Variants in ACBD6 observed in about 807,000 individuals in gnomAD.
ACBD6 encodes the protein acyl-CoA-binding domain-containing protein 6.
Under a neutral mutation model 37.2 loss-of-function variants are expected in ACBD6, and 28 were observed. The ratio of observed to expected loss-of-function variants is 0.75; its 90% CI spans 0.56 to 1.03. The LOEUF (loss-of-function observed/expected upper bound fraction) is 1.03. Among genes scored for constraint, ACBD6 ranks in the 50% least tolerant of loss-of-function variants. ACBD6 has a pLI of 0.00. For missense variants in ACBD6, 340 were observed against 337.4 expected, an observed-to-expected ratio of 1.01 and a Z score of -0.06; for synonymous variants, 113 against 126.8, an observed-to-expected ratio of 0.89 and a Z score of 0.73.
At chr1:180,454,049 A>G (rs1649816779) in intron 3 of ACBD6, among the ~76,000 whole-genome samples, 1 of 152,196 alleles carries the variant, frequency 6.6e-6, no homozygotes, top group Admixed American at 6.5e-5. Flanking sequence ...GGAACCAAAA[A>G]AGAGCCCATA....
chr1:180,435,418 T>G, intron 3 of ACBD6: 1 of 245,466 alleles, frequency 4.1e-6, no homozygotes, highest in Non-Finnish European at 7.9e-6. Flanking sequence ...CTGGCTAATT[T>G]TTTTTTTTTT....
At chr1:180,336,809 A>T (rs1398757349) in intron 6 of ACBD6, among the ~76,000 whole-genome samples, 4 of 152,356 alleles carry the variant, frequency 2.6e-5, no homozygotes, top group Non-Finnish European at 4.4e-5. Context: ...TGCAATAAAA[A>T]ATGATAAAGG....
intron 6 of ACBD6, among the ~76,000 whole-genome samples, chr1:180,378,793 C>T (rs1653535649): frequency 6.6e-6 from 1 of 152,102 alleles, no homozygotes; most frequent in Non-Finnish European, 1.5e-5. Flanking sequence ...CCAGCATGTG[C>T]TACCTGCAGA....
chr1:180,282,859 C>T (rs891456618), intron 8 of ACBD6, among the ~76,000 whole-genome samples: 3 of 152,032 alleles, frequency 2.0e-5, no homozygotes, highest in African/African-American at 7.3e-5. Flanking sequence ...GCATTAACCA[C>T]TTTCTGTATC....
chr1:180,319,823 A>C (rs778674815), intron 6 of ACBD6, among the ~76,000 whole-genome samples: 2 of 152,222 alleles, frequency 1.3e-5, no homozygotes, highest in Non-Finnish European at 2.9e-5. Flanking sequence ...TGTTGTTGCA[A>C]ATGACAAGAT....
intron 3 of ACBD6, among the ~76,000 whole-genome samples, chr1:180,441,484 ATAAAAT>A (rs1649278373): frequency 6.6e-6 from 1 of 152,222 alleles, no homozygotes; most frequent in African/African-American, 2.4e-5. Flanking sequence ...TGCCATCTAA[ATAAAAT>A]TAAATCTTCC....
intron 3 of ACBD6, among the ~76,000 whole-genome samples, chr1:180,458,397 T>C (rs1650002828): frequency 6.6e-6 from 1 of 152,198 alleles, no homozygotes; most frequent in Admixed American, 6.5e-5. Context: ...AGTATATTAA[T>C]CAAGACACCT....
At chr1:180,425,034 C>A (rs1276681439) in intron 4 of ACBD6, among the ~76,000 whole-genome samples, 1 of 152,168 alleles carries the variant, frequency 6.6e-6, no homozygotes, top group Non-Finnish European at 1.5e-5. Flanking sequence ...CCTTGTCATT[C>A]CTGAGGTTCT....
intron 4 of ACBD6, among the ~76,000 whole-genome samples, chr1:180,427,829 G>C (rs1404474357): frequency 6.6e-6 from 1 of 151,436 alleles, no homozygotes; most frequent in Admixed American, 6.6e-5. Flanking sequence ...CTGAGGCAGG[G>C]GAATCGCTTG....
chr1:180,442,875 T>C lies in ACBD6; in HGVS notation c.385-12613A>G, dbSNP rs182105849. 2.8e-4 allele frequency among the ~76,000 whole-genome samples: 43 copies of C among 152,330 alleles called. 1 individual carries two copies. The highest frequency in any genetic ancestry group is 2.8e-3 in the Admixed American group (43 of 15,308). On this transcript the variant is annotated intron_variant, in intron 3 of 7. Coordinates refer to ENST00000367595, the MANE Select transcript of ACBD6 (RefSeq NM_032360.4). ...ACTTTTTCCTCTACTTTCTTGAATA[T>C]ATAGTATATATTTGTAAAGTAAGTG...
In ACBD6 at chr1:180,444,739, A is replaced by C. The variant is rs558787030; in HGVS notation, c.385-14477T>G. Reference sequence around the variant, plus strand: ...GCAATTAAATAGAGTCCAATTTGGCAGCGAACAGGATAAAATTTGCCAGTT... The same window carrying C: ...GCAATTAAATAGAGTCCAATTTGGCCGCGAACAGGATAAAATTTGCCAGTT... On this transcript the variant is annotated intron_variant, in intron 3 of 7. Transcript: ENST00000367595. Among the ~76,000 whole-genome samples, 516 of 152,324 alleles carry C rather than the reference A, an allele frequency of 3.4e-3. 1 individual carries two copies. Among genetic ancestry groups the C allele is most frequent in the African/African-American group, 0.011 (455 of 41,578 alleles).
chr1:180,376,809 T>C (rs1356101060), intron 6 of ACBD6, among the ~76,000 whole-genome samples: 3 of 152,152 alleles, frequency 2.0e-5, no homozygotes, highest in African/African-American at 4.8e-5. Flanking sequence ...CTGATGCTCA[T>C]ATCTATAGTA....
intron 6 of ACBD6, among the ~76,000 whole-genome samples, chr1:180,396,047 A>C (rs1231179548): frequency 6.6e-6 from 1 of 152,202 alleles, no homozygotes; most frequent in African/African-American, 2.4e-5. Flanking sequence ...CCAGTCAAAA[A>C]GGGACAAATA....
At chr1:180,454,662 C>T (rs962184292) in intron 3 of ACBD6, among the ~76,000 whole-genome samples, 19 of 152,000 alleles carry the variant, frequency 1.3e-4, no homozygotes, top group African/African-American at 4.4e-4. Flanking sequence ...CTACAAGGAA[C>T]TTAAACAAAT....
At chr1:180,449,013 C>T (rs1200059517) in intron 3 of ACBD6, among the ~76,000 whole-genome samples, 1 of 152,086 alleles carries the variant, frequency 6.6e-6, no homozygotes, top group Non-Finnish European at 1.5e-5. Context: ...ATTAAAATAC[C>T]ATAAATAATT....
At chr1:180,366,998 A>C (rs1653077594) in intron 6 of ACBD6, among the ~76,000 whole-genome samples, 1 of 152,214 alleles carries the variant, frequency 6.6e-6, no homozygotes. Flanking sequence ...AGCAATTCAC[A>C]TAACCTCTCT....
At chr1:180,341,262 T>C (rs1651976117) in intron 6 of ACBD6, among the ~76,000 whole-genome samples, 1 of 152,164 alleles carries the variant, frequency 6.6e-6, no homozygotes, top group Admixed American at 6.6e-5. Flanking sequence ...TATAGTATAC[T>C]GCAGGCATAT....
chr1:180,359,210 A>G (rs866932729), intron 6 of ACBD6, among the ~76,000 whole-genome samples: 17 of 152,324 alleles, frequency 1.1e-4, no homozygotes, highest in Middle Eastern at 3.4e-3. Flanking sequence ...TTAATCCCAA[A>G]GGAAGCACAA....
Position 180,293,744 on chromosome 1 carries a change from G to GT in ACBD6, c.695-5228dup, listed in dbSNP as rs565382628. On this transcript the variant is annotated intron_variant, in intron 7 of 7. Transcript: ENST00000367595. The stretch of plus-strand genomic sequence containing the variant: ...TCCAGATTTTCTATTTTTTATTTTT[G>GT]TTTTTTTTTAAGATGGAGTCAGGCT... Among the ~76,000 whole-genome samples the GT allele has an allele frequency of 3.6e-3, 546 of 150,794 alleles. 2 individuals are homozygous for GT. Among genetic ancestry groups the GT allele is most frequent in the African/African-American group, 0.012 (481 of 41,132 alleles).
Sources: allele counts gnomAD v4.1 joint callset (sites outside exome capture counted in the v4.1 genomes callset), GRCh38; gene constraint gnomAD v4.1.1; transcripts MANE v1.5; gene names NCBI Gene and HGNC (gene_info 2026-07-23, HGNC 2026-07-21).